VGLL4: variants seen among roughly 807,000 people sequenced by gnomAD.
The protein encoded by VGLL4 is transcription cofactor vestigial-like protein 4.
Under a neutral mutation model 21.0 loss-of-function variants are expected in VGLL4, and 7 were observed. The observed-to-expected ratio is 0.33, with a 90% CI of 0.19 to 0.63. VGLL4 has a LOEUF of 0.63. Among genes scored for constraint, VGLL4 ranks in the 20% least tolerant of loss-of-function variants. The probability of loss-of-function intolerance (pLI) is 0.78; values close to 1 mark genes in which losing one functional copy is unlikely to be tolerated. For missense variants in VGLL4, 394 were observed against 425.7 expected (o/e 0.93, Z 0.66); for synonymous variants, 222 against 173.2 (o/e 1.28, Z -2.21).
At chr3:11,604,948 C>T (rs1559894576) in intron 1 of VGLL4, among the ~76,000 whole-genome samples, 1 of 143,926 alleles carries the variant, frequency 6.9e-6, no homozygotes, top group Non-Finnish European at 1.5e-5. Flanking sequence ...GATTGAACAA[C>T]TTTTACAGGA....
intron 3 of VGLL4, among the ~76,000 whole-genome samples, chr3:11,560,074 T>C (rs2125103825): frequency 6.6e-6 from 1 of 152,062 alleles, no homozygotes; most frequent in South Asian, 2.1e-4. Flanking sequence ...CCCCACGCTG[T>C]CTGCCTGGCA....
chr3:11,717,339 G>C (rs537705559), intron 1 of VGLL4, among the ~76,000 whole-genome samples: 3 of 151,782 alleles, frequency 2.0e-5, no homozygotes, highest in Admixed American at 2.0e-4. Context: ...ATTTTACTAA[G>C]GCAAATTAAA....
At chr3:11,595,939 T>A in intron 2 of VGLL4, among the ~76,000 whole-genome samples, 3 of 151,766 alleles carry the variant, frequency 2.0e-5, no homozygotes, top group Non-Finnish European at 4.4e-5. Flanking sequence ...CACATGTAAC[T>A]AACCTGCACA....
intron 2 of VGLL4, chr3:11,702,742 A>C (rs575723640): frequency 3.8e-5 from 10 of 266,346 alleles, no homozygotes; most frequent in African/African-American, 1.8e-4. Context: ...AAAAAAAAAA[A>C]AACAAAAAAA....
At position 11,604,996 on chromosome 3, in the gene VGLL4, A is replaced by G. The variant is rs376061801; in HGVS notation, c.83-2974T>C. On this transcript the variant is annotated intron_variant, in intron 1 of 4. Coordinates refer to ENST00000430365, the MANE Select transcript of VGLL4 (RefSeq NM_001128219.3). Reference sequence around the variant, plus strand: ...GCCTTTCTGTCTTCTAATGCATCTCAGTCTCTGAGATGGAAACCCCGCAGG... The same window carrying G: ...GCCTTTCTGTCTTCTAATGCATCTCGGTCTCTGAGATGGAAACCCCGCAGG... Among the ~76,000 whole-genome samples the G allele has an allele frequency of 3.5e-5, 5 of 142,070 alleles. 1 individual carries two copies. Among genetic ancestry groups the G allele is most frequent in the African/African-American group, 1.3e-4 (5 of 39,034 alleles). 93.2% of individuals were successfully genotyped at this position (142,070 alleles called of 152,430 possible).
At chr3:11,687,430 A>T (rs1021596507) in intron 2 of VGLL4, among the ~76,000 whole-genome samples, 1 of 152,152 alleles carries the variant, frequency 6.6e-6, no homozygotes, top group African/African-American at 2.4e-5. Flanking sequence ...ATGTCCCTAA[A>T]TAATTGAAGT....
At chr3:11,695,308 A>G (rs2076589336) in intron 2 of VGLL4, among the ~76,000 whole-genome samples, 1 of 152,068 alleles carries the variant, frequency 6.6e-6, no homozygotes, top group Non-Finnish European at 1.5e-5. Flanking sequence ...TCAGCCTCCC[A>G]AAGTGCTGGG....
chr3:11,655,656 G>A (rs752370908), intron 2 of VGLL4, among the ~76,000 whole-genome samples: 103 of 152,232 alleles, frequency 6.8e-4, no homozygotes, highest in Non-Finnish European at 1.1e-3. Context: ...CACATAGGGT[G>A]GGGAGTGCGG....
At chr3:11,692,894 C>T (rs1185629659) in intron 2 of VGLL4, among the ~76,000 whole-genome samples, 1 of 152,120 alleles carries the variant, frequency 6.6e-6, no homozygotes, top group Non-Finnish European at 1.5e-5. Flanking sequence ...ATAGGCCAGG[C>T]GCAGGGTCTC....
chr3:11,661,268 T>C (rs372145700), intron 2 of VGLL4, among the ~76,000 whole-genome samples: 5 of 151,944 alleles, frequency 3.3e-5, no homozygotes, highest in South Asian at 2.1e-4. Flanking sequence ...ACGATCCACA[T>C]TGAAAACTGA....
At chr3:11,583,828 C>T (rs1317603227) in intron 2 of VGLL4, among the ~76,000 whole-genome samples, 1 of 152,210 alleles carries the variant, frequency 6.6e-6, no homozygotes, top group Admixed American at 6.5e-5. Flanking sequence ...AGGGCTGACT[C>T]CCCCAAGCAT....
At chr3:11,682,741 C>G (rs1180641324) in intron 2 of VGLL4, among the ~76,000 whole-genome samples, 1 of 151,986 alleles carries the variant, frequency 6.6e-6, no homozygotes, top group Non-Finnish European at 1.5e-5. Flanking sequence ...AAGTAACAAA[C>G]TTTCCATCTC....
At chr3:11,700,010 A>G (rs1270922294) in intron 2 of VGLL4, among the ~76,000 whole-genome samples, 1 of 152,202 alleles carries the variant, frequency 6.6e-6, no homozygotes, top group Non-Finnish European at 1.5e-5. Flanking sequence ...CATAGGTTCC[A>G]AAGGGAGTCT....
intron 1 of VGLL4, among the ~76,000 whole-genome samples, chr3:11,620,807 G>A (rs748668576): frequency 4.6e-5 from 7 of 152,174 alleles, no homozygotes; most frequent in Non-Finnish European, 1.0e-4. Context: ...CACCCTGTGT[G>A]CACATATCAT....
chr3:11,703,476 G>T (rs1406474884), intron 1 of VGLL4, among the ~76,000 whole-genome samples: 1 of 152,186 alleles, frequency 6.6e-6, no homozygotes, highest in Non-Finnish European at 1.5e-5. Context: ...ATGGAAAGCT[G>T]TGTGAGAAAC....
At chr3:11,625,487 A>AG (rs2075334817) in intron 1 of VGLL4, among the ~76,000 whole-genome samples, 2 of 152,260 alleles carry the variant, frequency 1.3e-5, no homozygotes, top group African/African-American at 2.4e-5. Context: ...ATTACCAAAC[A>AG]GAAAATGTCA....
At chr3:11,572,328 C>T (rs1054888978) in intron 2 of VGLL4, among the ~76,000 whole-genome samples, 1 of 152,176 alleles carries the variant, frequency 6.6e-6, no homozygotes, top group Non-Finnish European at 1.5e-5. Context: ...ACTAGTACAA[C>T]GATTCCAATA....
At chr3:11,605,959 C>A (rs2074931889) in intron 1 of VGLL4, among the ~76,000 whole-genome samples, 1 of 152,138 alleles carries the variant, frequency 6.6e-6, no homozygotes, top group South Asian at 2.1e-4. Context: ...AGCCAATAAG[C>A]ACATGGAAAG....
chr3:11,642,211 C>T (rs1211783779), intron 1 of VGLL4, among the ~76,000 whole-genome samples: 1 of 151,916 alleles, frequency 6.6e-6, no homozygotes, highest in African/African-American at 2.4e-5. Context: ...ATAGCAGGAA[C>T]TAGTAGGAGT....
Sources: gnomAD v4.1 joint callset for allele counts (sites outside exome capture counted in the v4.1 genomes callset) on GRCh38, gnomAD v4.1.1 for gene constraint, MANE v1.5 for transcripts, NCBI Gene and HGNC (gene_info 2026-07-23, HGNC 2026-07-21) for gene names.